Variants in CNGA3 observed in about 807,000 individuals in gnomAD.
CNGA3 encodes the protein cyclic nucleotide gated channel subunit alpha 3.
Under a neutral mutation model 46.6 loss-of-function variants are expected in CNGA3, and 42 were observed. The observed-to-expected ratio is 0.90, with a 90% confidence interval of 0.70 to 1.17. CNGA3 has a LOEUF of 1.17. Among genes scored for constraint, CNGA3 ranks in the 50% most tolerant of loss-of-function variants. CNGA3 has a pLI of 0.00. For missense variants in CNGA3, 893 were observed against 890.7 expected (o/e 1.00, Z -0.03); for synonymous variants, 394 against 369.4 (o/e 1.07, Z -0.76).
At chr2:98,373,624 AC>A in intron 2 of CNGA3, among the ~76,000 whole-genome samples, 1 of 152,170 alleles carries the variant, frequency 6.6e-6, no homozygotes. Flanking sequence ...TTGAATGAAA[AC>A]ATTTTACACC....
chr2:98,349,049 T>G (rs75587186), intron 1 of CNGA3, among the ~76,000 whole-genome samples: 4,026 of 152,100 alleles, frequency 0.026, 167 homozygotes, highest in African/African-American at 0.092. Context: ...CAGGAGAGAG[T>G]AAGGCCCTGC....
chr2:98,354,746 C>A (rs915197722), intron 1 of CNGA3, among the ~76,000 whole-genome samples: 1 of 152,198 alleles, frequency 6.6e-6, no homozygotes, highest in Non-Finnish European at 1.5e-5. Flanking sequence ...AATCAAACCA[C>A]TGTGCTGTAG....
rs757157866 is a variant in CNGA3 at position 98,357,272 on chromosome 2, A to G, written c.-38+10738A>G. On this transcript the variant is annotated intron_variant, in intron 1 of 7. Transcript: ENST00000272602. The stretch of plus-strand genomic sequence containing the variant: ...GGGCCAATGACAGTGGAGAGAGCCC[A>G]GGATGAGCACTGGAGTGCAAAAGTC... Among the ~76,000 whole-genome samples, 4 of 152,370 alleles carry G rather than the reference A, an allele frequency of 2.6e-5. No individual in the cohort carries two copies. In the South Asian group the frequency reaches 6.2e-4, roughly 24 times the overall value.
chr2:98,397,726 A>G lies in CNGA3; in HGVS notation c.*471A>G, dbSNP rs1307696428. 1.5e-5 allele frequency: 3 copies of G among 197,292 alleles called. No homozygotes were observed. Among genetic ancestry groups the G allele is most frequent in the Non-Finnish European group, 3.2e-5 (3 of 94,950 alleles). 12.2% of individuals were successfully genotyped at this position (197,292 alleles called of 1,614,324 possible). On this transcript the variant is annotated 3_prime_UTR_variant, in exon 8 of 8. Coordinates refer to ENST00000272602, the MANE Select transcript of CNGA3 (RefSeq NM_001298.3). ...TAGTGACTAAAATTCAGACTTACAC[A>G]AGACAGTTTGAGGCATATTTCTTAA...
chr2:98,378,288 A>C (rs1692459390), intron 3 of CNGA3: 1 of 1,438,500 alleles, frequency 7.0e-7, no homozygotes, highest in Non-Finnish European at 9.3e-7. Flanking sequence ...CTTCCCCCTG[A>C]TGACATCCGT....
chr2:98,376,132 G>T (rs532130638), intron 2 of CNGA3, among the ~76,000 whole-genome samples: 21 of 152,222 alleles, frequency 1.4e-4, no homozygotes, highest in Non-Finnish European at 2.8e-4. Context: ...AATCAATTGC[G>T]CATACACAAG....
At chr2:98,374,674 A>T (rs1364205290) in intron 2 of CNGA3, among the ~76,000 whole-genome samples, 2 of 152,192 alleles carry the variant, frequency 1.3e-5, no homozygotes, top group Non-Finnish European at 2.9e-5. Flanking sequence ...TCTGCCTGGT[A>T]AAATCAGTTT....
intron 1 of CNGA3, among the ~76,000 whole-genome samples, chr2:98,364,012 C>T (rs1196312327): frequency 6.6e-6 from 1 of 152,152 alleles, no homozygotes; most frequent in Non-Finnish European, 1.5e-5. Flanking sequence ...ATAGTTAGCT[C>T]TTTATGTTGA....
At chr2:98,363,217 C>CA (rs1036781639) in intron 1 of CNGA3, among the ~76,000 whole-genome samples, 47 of 152,142 alleles carry the variant, frequency 3.1e-4, no homozygotes, top group African/African-American at 1.0e-3. Context: ...ATGGGAATAG[C>CA]ATTGAATCTA....
chr2:98,375,119 C>T (rs1692374981), intron 2 of CNGA3, among the ~76,000 whole-genome samples: 1 of 152,278 alleles, frequency 6.6e-6, no homozygotes, highest in Non-Finnish European at 1.5e-5. Flanking sequence ...ACAGCTCTCG[C>T]TGCTGCTGGT....
At chr2:98,356,181 T>C (rs1176685321) in intron 1 of CNGA3, among the ~76,000 whole-genome samples, 1 of 152,220 alleles carries the variant, frequency 6.6e-6, no homozygotes, top group Non-Finnish European at 1.5e-5. Flanking sequence ...TCAAAGTATG[T>C]AGACCCTGGG....
chr2:98,386,729 AAG>A (rs1239272908), intron 5 of CNGA3, among the ~76,000 whole-genome samples: 1 of 152,196 alleles, frequency 6.6e-6, no homozygotes, highest in Non-Finnish European at 1.5e-5. Flanking sequence ...ATGGAAGAAG[AAG>A]AGAGTCACAG....
At chr2:98,356,520 C>T (rs1357591008) in intron 1 of CNGA3, among the ~76,000 whole-genome samples, 1 of 152,110 alleles carries the variant, frequency 6.6e-6, no homozygotes, top group African/African-American at 2.4e-5. Flanking sequence ...TAATTGGACC[C>T]GCCAAACCCT....
Position 98,374,442 on chromosome 2 carries a change from C to T in CNGA3, c.102-3245C>T, listed in dbSNP as rs145563453. 3.3e-3 allele frequency among the ~76,000 whole-genome samples: 498 copies of T among 152,290 alleles called. 4 individuals carry two copies. The highest frequency in any genetic ancestry group is 0.011 in the African/African-American group (468 of 41,560). On this transcript the variant is annotated intron_variant, in intron 2 of 7. Transcript: ENST00000272602. ...GAGGGAAGCTCCAGGGTTGTCCTGG[C>T]CTGGTCTGTTCATTTTACAGAGACT...
rs1204181291 is a variant in CNGA3 at position 98,360,813 on chromosome 2, T to C, written c.-37-9126T>C. ...GTTCTTTGGAAAGTTACATAACCTG[T>C]TATAAGCCTCCATTTCCTCATCTAT... On this transcript the variant is annotated intron_variant, in intron 1 of 7. Transcript: ENST00000272602. 2.6e-5 allele frequency among the ~76,000 whole-genome samples: 4 copies of C among 152,138 alleles called. No homozygotes were observed. The East Asian group carries it at 5.8e-4, about 22-fold the overall frequency.
intron 1 of CNGA3, among the ~76,000 whole-genome samples, chr2:98,358,118 T>A (rs1488379837): frequency 6.6e-6 from 1 of 152,216 alleles, no homozygotes; most frequent in Non-Finnish European, 1.5e-5. Flanking sequence ...GGTTTCATTA[T>A]CTCATTGGTG....
At chr2:98,390,458 C>T (rs1193602133) in intron 6 of CNGA3, among the ~76,000 whole-genome samples, 3 of 152,032 alleles carry the variant, frequency 2.0e-5, no homozygotes, top group Non-Finnish European at 4.4e-5. Flanking sequence ...CTCTACTACT[C>T]TTCTAATAAG....
intron 5 of CNGA3, among the ~76,000 whole-genome samples, chr2:98,389,419 T>C (rs1019162925): frequency 6.6e-6 from 1 of 152,168 alleles, no homozygotes; most frequent in Non-Finnish European, 1.5e-5. Flanking sequence ...CATTACCTTA[T>C]AGTCGACCGT....
chr2:98,364,253 G>A (rs576154084), intron 1 of CNGA3, among the ~76,000 whole-genome samples: 46 of 152,098 alleles, frequency 3.0e-4, no homozygotes, highest in South Asian at 2.1e-3. Context: ...TGGCATGGGC[G>A]TGTTATCCCA....
Sources: allele counts gnomAD v4.1 joint callset (sites outside exome capture counted in the v4.1 genomes callset), GRCh38; gene constraint gnomAD v4.1.1; transcripts MANE v1.5; gene names NCBI Gene and HGNC (gene_info 2026-07-23, HGNC 2026-07-21).